Variants in SLC22A25 observed in about 807,000 individuals in gnomAD.
SLC22A25 encodes solute carrier family 22 member 25.
A neutral mutation model predicts 45.9 loss-of-function variants in SLC22A25; 44 were observed. That is an observed-to-expected ratio of 0.96 (90% CI 0.75 to 1.23). The LOEUF is 1.23. Ranked by LOEUF, SLC22A25 falls within the 50% of genes most tolerant of loss-of-function variation. SLC22A25 has a pLI of 0.00. For missense variants in SLC22A25, 800 were observed against 666.4 expected (o/e 1.20, Z -2.21); for synonymous variants, 283 against 238.6 (o/e 1.19, Z -1.72).
In SLC22A25 at chr11:63,238,770, A is replaced by G. The variant is rs2090203988; in HGVS notation, c.-630T>C. 1 of 223,348 alleles carries G rather than the reference A, an allele frequency of 4.5e-6. No individual in the cohort carries two copies. 13.8% of individuals were successfully genotyped at this position (223,348 alleles called of 1,614,324 possible). On this transcript the variant is annotated 5_prime_UTR_variant, in exon 2 of 12. Coordinates refer to ENST00000306494, the MANE Select transcript of SLC22A25 (RefSeq NM_199352.6). ...TTCTGTTGTACACCCTGCTGTCCAC[A>G]CACGGTTCCATGTCTGGTTCATTCA... is the stretch of plus-strand genomic sequence containing the variant.
chr11:63,194,889 G>GAAAA (rs1565091135), intron 7 of SLC22A25, among the ~76,000 whole-genome samples: 2 of 14,288 alleles, frequency 1.4e-4, no homozygotes, highest in Admixed American at 1.0e-3. Flanking sequence ...CAAATGGAAA[G>GAAAA]CAAAAAAAAA....
intron 7 of SLC22A25, among the ~76,000 whole-genome samples, chr11:63,216,606 A>T (rs2089717304): frequency 6.6e-6 from 1 of 152,202 alleles, no homozygotes. Flanking sequence ...CATTATACTT[A>T]GCAAACTAAA....
chr11:63,188,902 T>C (rs528936881), intron 7 of SLC22A25, among the ~76,000 whole-genome samples: 2,502 of 152,298 alleles, frequency 0.016, 66 homozygotes, highest in African/African-American at 0.058. Context: ...TGCACTGTGG[T>C]CTGAGAGACA....
At position 63,163,324 on chromosome 11, in the gene SLC22A25, G is replaced by T. The variant is rs146003928; in HGVS notation, c.*500C>A. ...ATCACTTCTTTTCCCCTTTTCCAAC[G>T]CTTTTTTTCCCCCGTGAAAATTAGA... On this transcript the variant is annotated 3_prime_UTR_variant, in exon 12 of 12. Coordinates refer to ENST00000306494, the MANE Select transcript of SLC22A25 (RefSeq NM_199352.6). Among the ~76,000 whole-genome samples, 29 of 152,052 alleles carry T rather than the reference G, an allele frequency of 1.9e-4. No homozygotes were observed. The highest frequency in any genetic ancestry group is 6.5e-4 in the African/African-American group (27 of 41,420).
chr11:63,234,092 G>A (rs1325276151), intron 3 of SLC22A25, among the ~76,000 whole-genome samples: 1 of 152,190 alleles, frequency 6.6e-6, no homozygotes, highest in East Asian at 1.9e-4. Flanking sequence ...GTGGTGTGGT[G>A]CTGAAAAGAA....
intron 9 of SLC22A25, among the ~76,000 whole-genome samples, chr11:63,173,246 T>G (rs2087956193): frequency 6.6e-6 from 1 of 151,934 alleles, no homozygotes; most frequent in African/African-American, 2.4e-5. Flanking sequence ...TGGGAGAGCA[T>G]TGGGACAAAT....
Position 63,228,443 on chromosome 11 carries a change from T to C in SLC22A25, c.506+18A>G. On this transcript the variant is annotated intron_variant, in intron 5 of 11. Coordinates refer to ENST00000306494, the MANE Select transcript of SLC22A25 (RefSeq NM_199352.6). ...ATGAAAATACCCTTGAAGAGAGCTATGCTCCATAGACACTCACCTGTCTGA... is the reference window on the plus strand; with the variant it reads ...ATGAAAATACCCTTGAAGAGAGCTACGCTCCATAGACACTCACCTGTCTGA... The C allele has an allele frequency of 1.3e-6, 2 of 1,539,706 alleles. No individual in the cohort carries two copies. Among genetic ancestry groups the C allele is most frequent in the East Asian group, 2.3e-5 (1 of 44,440 alleles).
At chr11:63,225,661 T>C (rs1255809261) in intron 5 of SLC22A25, among the ~76,000 whole-genome samples, 2 of 152,230 alleles carry the variant, frequency 1.3e-5, no homozygotes, top group African/African-American at 4.8e-5. Context: ...TACTTGAATA[T>C]TGATATCTTT....
chr11:63,188,286 G>T (rs1045420469), intron 7 of SLC22A25, among the ~76,000 whole-genome samples: 1 of 152,176 alleles, frequency 6.6e-6, no homozygotes, highest in Non-Finnish European at 1.5e-5. Flanking sequence ...GGGTGGATGT[G>T]TCCAGGAATT....
intron 5 of SLC22A25, among the ~76,000 whole-genome samples, chr11:63,227,854 T>A (rs987340031): frequency 3.3e-5 from 5 of 152,236 alleles, no homozygotes; most frequent in African/African-American, 1.2e-4. Flanking sequence ...CCTCTGTGGC[T>A]ATGGCTGGTC....
chr11:63,241,156 G>A (rs1344654566), intron 1 of SLC22A25, among the ~76,000 whole-genome samples: 2 of 152,228 alleles, frequency 1.3e-5, no homozygotes, highest in Non-Finnish European at 2.9e-5. Context: ...ATGCTCTTAT[G>A]TAAGTGCATG....
intron 3 of SLC22A25, among the ~76,000 whole-genome samples, chr11:63,235,722 A>G (rs1033528488): frequency 2.6e-5 from 4 of 152,096 alleles, no homozygotes; most frequent in Non-Finnish European, 5.9e-5. Context: ...AGGTGCTCTG[A>G]TTTTTAGAGT....
In SLC22A25 at chr11:63,229,698, C is replaced by A. The variant is rs751420506; in HGVS notation, c.-46G>T. On this transcript the variant is annotated 5_prime_UTR_variant, in exon 4 of 12. Coordinates refer to ENST00000306494, the MANE Select transcript of SLC22A25 (RefSeq NM_199352.6). ...CCAAGAGGAGACAAAATGACTGTAT[C>A]CAGATAAGTTCAAAGAGAAAATATT... 1.3e-6 allele frequency: 2 copies of A among 1,553,282 alleles called. No homozygotes were observed. Among genetic ancestry groups the A allele is most frequent in the South Asian group, 2.4e-5 (2 of 84,760 alleles).
chr11:63,199,165 TAAAG>T (rs764852901), intron 7 of SLC22A25, among the ~76,000 whole-genome samples: 2 of 151,626 alleles, frequency 1.3e-5, no homozygotes, highest in African/African-American at 4.8e-5. Flanking sequence ...GCTAGACTAA[TAAAG>T]AAGAAAAGAG....
At chr11:63,197,970 A>G (rs2089109833) in intron 7 of SLC22A25, among the ~76,000 whole-genome samples, 1 of 152,240 alleles carries the variant, frequency 6.6e-6, no homozygotes, top group Non-Finnish European at 1.5e-5. Context: ...AAACACATGA[A>G]AAAATGCTCA....
intron 1 of SLC22A25, among the ~76,000 whole-genome samples, chr11:63,242,492 C>G (rs1465846123): frequency 2.0e-5 from 3 of 152,150 alleles, no homozygotes; most frequent in Non-Finnish European, 4.4e-5. Context: ...ATCGTTGCTT[C>G]CTTGGCATGC....
chr11:63,234,716 C>T (rs1276838021), intron 3 of SLC22A25, among the ~76,000 whole-genome samples: 6 of 152,192 alleles, frequency 3.9e-5, no homozygotes, highest in South Asian at 2.1e-4. Context: ...TTAGTTGATG[C>T]AGTTTGTTCC....
intron 11 of SLC22A25, 61 bp downstream of exon 11, chr11:63,164,465 G>A (rs1565056866): frequency 7.2e-7 from 1 of 1,382,540 alleles, no homozygotes; most frequent in Non-Finnish European, 1.0e-6. Flanking sequence ...CCCTTGTTAA[G>A]TGTCAATTGG....
intron 8 of SLC22A25, 81 bp downstream of exon 8, chr11:63,183,613 A>T (rs1486235948): frequency 5.1e-6 from 8 of 1,576,098 alleles, no homozygotes; most frequent in Non-Finnish European, 6.9e-6. Flanking sequence ...TCTCTCCTTT[A>T]TTCACCTTAT....
Sources: allele counts gnomAD v4.1 joint callset (sites outside exome capture counted in the v4.1 genomes callset), GRCh38; gene constraint gnomAD v4.1.1; transcripts MANE v1.5; gene names NCBI Gene and HGNC (gene_info 2026-07-23, HGNC 2026-07-21).